NLRP14: variants seen among roughly 807,000 people sequenced by gnomAD.
NLRP14 encodes NLR family pyrin domain containing 14, also known as NACHT, LRR and PYD domains-containing protein 14.
NLRP14 carries 105 observed loss-of-function variants against 94.7 expected under a neutral mutation model. The ratio of observed to expected loss-of-function variants is 1.11; its 90% CI spans 0.95 to 1.30. NLRP14 has a LOEUF of 1.30. NLRP14 is among the 50% of genes most tolerant of loss of function. The probability of loss-of-function intolerance (pLI) is 0.00; values close to 1 mark genes in which losing one functional copy is unlikely to be tolerated. For missense variants in NLRP14, 1,362 were observed against 1,254.1 expected (o/e 1.09, Z -1.30); for synonymous variants, 508 against 459.9 (o/e 1.10, Z -1.34).
At chr11:7,078,695 G>A in the NLRP14 span, among the ~76,000 whole-genome samples, 2 of 151,948 alleles carry the variant, frequency 1.3e-5, no homozygotes, top group Non-Finnish European at 2.9e-5. Flanking sequence ...GGCTGAAGCA[G>A]GAGAATTGCT....
rs978188767 is a variant in NLRP14, at chr11:7,069,809, T to TA, written c.2976-476dup. On this transcript the variant is annotated intron_variant, in intron 10 of 11. Coordinates refer to ENST00000299481, the MANE Select transcript of NLRP14 (RefSeq NM_176822.4). ...CCCCAGCTAATTTTTGTATCTTTAG[T>TA]AGAGACAAGGTTTCACCATGTTGGC... 1.4e-4 allele frequency among the ~76,000 whole-genome samples: 21 copies of TA among 152,172 alleles called. No individual in the cohort carries two copies. The East Asian group carries it at 4.1e-3, about 29-fold the overall frequency.
At chr11:7,081,623 C>T in the NLRP14 span, among the ~76,000 whole-genome samples, 2 of 152,054 alleles carry the variant, frequency 1.3e-5, no homozygotes, top group South Asian at 4.2e-4. Flanking sequence ...GTGCTCTATA[C>T]ACTTGTGATT....
At position 7,071,451 on chromosome 11, in the gene NLRP14, T is replaced by G; in HGVS notation, c.*143T>G. 1.5e-6 allele frequency: 1 copy of G among 685,206 alleles called. No individual in the cohort carries two copies. Among genetic ancestry groups the G allele is most frequent in the Non-Finnish European group, 2.6e-6 (1 of 391,246 alleles). 42.4% of individuals were successfully genotyped at this position (685,206 alleles called of 1,614,324 possible). On this transcript the variant is annotated 3_prime_UTR_variant, in exon 12 of 12. Coordinates refer to ENST00000299481, the MANE Select transcript of NLRP14 (RefSeq NM_176822.4). ...CAGCTGTCAGATACCATTCATCTAC[T>G]TCTCTGTAAAATGTCTGTTCTACTT... is the stretch of plus-strand genomic sequence containing the variant.
intron 1 of NLRP14, among the ~76,000 whole-genome samples, chr11:7,034,545 T>C (rs1353775027): frequency 6.6e-6 from 1 of 152,228 alleles, no homozygotes; most frequent in East Asian, 1.9e-4. Flanking sequence ...GTTTTATTAA[T>C]TTACACTTCA....
At chr11:7,046,947 T>C in intron 5 of NLRP14, 115 bp downstream of exon 5, 1 of 831,958 alleles carries the variant, frequency 1.2e-6, no homozygotes. Flanking sequence ...CAATCCATTT[T>C]GTAAAATAAA....
the NLRP14 span, among the ~76,000 whole-genome samples, chr11:7,088,542 A>G: frequency 6.6e-6 from 1 of 152,230 alleles, no homozygotes; most frequent in African/African-American, 2.4e-5. Flanking sequence ...AATAAAGACA[A>G]TAGCACCAAA....
chr11:7,024,409 A>C (rs1851986600), intron 1 of NLRP14, among the ~76,000 whole-genome samples: 1 of 152,196 alleles, frequency 6.6e-6, no homozygotes, highest in African/African-American at 2.4e-5. Flanking sequence ...CTGTTATGCT[A>C]TCTTGGTTTC....
the NLRP14 span, chr11:7,089,339 C>T: frequency 6.2e-7 from 1 of 1,608,068 alleles, no homozygotes; most frequent in Middle Eastern, 1.7e-4. Context: ...ACGGCAAGTC[C>T]CTGGATGGTA....
intron 1 of NLRP14, among the ~76,000 whole-genome samples, chr11:7,035,724 C>T (rs1852151615): frequency 6.6e-6 from 1 of 152,104 alleles, no homozygotes; most frequent in South Asian, 2.1e-4. Context: ...GGTGAGATTC[C>T]CTTCTCCCTT....
chr11:7,088,702 T>C, the NLRP14 span, among the ~76,000 whole-genome samples: 1 of 151,938 alleles, frequency 6.6e-6, no homozygotes, highest in African/African-American at 2.4e-5. Flanking sequence ...ATTTAAAAAA[T>C]TCATACTATT....
intron 6 of NLRP14, among the ~76,000 whole-genome samples, chr11:7,056,405 T>C (rs527363190): frequency 3.3e-5 from 5 of 151,652 alleles, no homozygotes; most frequent in Admixed American, 1.3e-4. Context: ...TGTAATGATC[T>C]CTTCTTTGCA....
chr11:7,039,407 C>T (rs1472471601), intron 2 of NLRP14, among the ~76,000 whole-genome samples: 2 of 151,904 alleles, frequency 1.3e-5, no homozygotes, highest in Non-Finnish European at 1.5e-5. Flanking sequence ...ATCTCCTTTG[C>T]ACCTCACCGT....
intron 5 of NLRP14, among the ~76,000 whole-genome samples, chr11:7,049,133 T>C (rs185443410): frequency 1.3e-3 from 201 of 152,224 alleles, no homozygotes; most frequent in Admixed American, 3.7e-3. Context: ...ATCAGAAATA[T>C]CTGACATTGA....
Position 7,044,087 on chromosome 11 carries a change from A to G in NLRP14, c.1958+103A>G, listed in dbSNP as rs1589862921. The G allele has an allele frequency of 4.4e-6, 5 of 1,137,226 alleles. No homozygotes were observed. The East Asian group carries it at 1.2e-4, about 27-fold the overall frequency. The allele number at this position is 1,137,226 out of a possible 1,614,324, so 70.4% of individuals were successfully genotyped here. A position where few individuals can be genotyped will look rare whatever the true frequency, so the allele number is the denominator to read the frequency against. On this transcript the variant is annotated intron_variant, in intron 4 of 11. Transcript: ENST00000299481. The stretch of plus-strand genomic sequence containing the variant: ...TAGCTGAGGTCCCAGAGCTGAGATA[A>G]CCCTCTGGAGTTGTCCCATCTTGAG...
At chr11:7,056,515 C>CAAAAAAAAAAAA (rs60703550) in intron 6 of NLRP14, among the ~76,000 whole-genome samples, 2 of 122,850 alleles carry the variant, frequency 1.6e-5, no homozygotes, top group Non-Finnish European at 3.3e-5. Flanking sequence ...AGCACTAATA[C>CAAAAAAAAAAAA]AAAAAAAAAA....
chr11:7,062,480 A>G lies in NLRP14; in HGVS notation c.2952A>G (p.Pro984=), dbSNP rs1190071768. Residue 984 remains proline (P), a synonymous_variant, in exon 10 of 12, where the codon CCA becomes CCG. Transcript: ENST00000299481. ...VKILCDALRY[P]NCNIQRLGLE... The stretch of plus-strand genomic sequence containing the variant: ...TTCTGTGTGATGCTTTGAGATATCC[A>G]AACTGTAACATTCAGAGGCTCGGGT... 2 of 1,612,980 alleles carry G rather than the reference A, an allele frequency of 1.2e-6. No individual in the cohort carries two copies. Among genetic ancestry groups the G allele is most frequent in the African/African-American group, 2.7e-5 (2 of 74,842 alleles).
chr11:7,073,797 C>T (rs1852835884), downstream of NLRP14, among the ~76,000 whole-genome samples: 1 of 152,196 alleles, frequency 6.6e-6, no homozygotes, highest in South Asian at 2.1e-4. Context: ...TATCCCTGTG[C>T]ATTTGGCTTG....
At chr11:7,052,756 T>C (rs1480176814) in intron 6 of NLRP14, among the ~76,000 whole-genome samples, 3 of 152,194 alleles carry the variant, frequency 2.0e-5, no homozygotes, top group Admixed American at 6.5e-5. Flanking sequence ...TATGGACCAA[T>C]AGAAATTTTT....
At position 7,043,046 on chromosome 11, in the gene NLRP14, C is replaced by A. The variant is rs1274037831; in HGVS notation, c.1020C>A (p.Tyr340Ter). ...MSEDAREEYIYQFFEDKRWAM... is the reference protein window; with the variant it reads ...MSEDAREEYI ...AGGATGCAAGAGAGGAGTATATTTA[C>A]CAGTTTTTTGAAGATAAGAGGTGGG... The change falls in exon 4 of 12, where the codon TAC becomes TAA. Residue 340 changes from tyrosine to a stop codon, truncating the protein, a stop_gained. Transcript: ENST00000299481. LOFTEE classifies it high-confidence loss of function. The A allele has an allele frequency of 6.2e-7, 1 of 1,614,096 alleles. No individual in the cohort carries two copies. The highest frequency in any genetic ancestry group is 1.1e-5 in the South Asian group (1 of 91,074).
Sources: allele counts gnomAD v4.1 joint callset (sites outside exome capture counted in the v4.1 genomes callset), GRCh38; gene constraint gnomAD v4.1.1; transcripts MANE v1.5; gene names NCBI Gene and HGNC (gene_info 2026-07-23, HGNC 2026-07-21).